The following MEMO1 variants were observed in gnomAD, a reference collection of about 807,000 sequenced individuals.
MEMO1 encodes mediator of cell motility 1, also known as protein MEMO1.
MEMO1 carries 6 observed loss-of-function variants against 45.2 expected under a neutral mutation model. The ratio of observed to expected loss-of-function variants is 0.13; its 90% CI spans 0.07 to 0.26. MEMO1 has a LOEUF of 0.26. Ranked by LOEUF, MEMO1 falls within the 10% of genes least tolerant of loss-of-function variation. MEMO1 has a pLI of 1.00. For synonymous variants in MEMO1, 78 were observed against 124.3 expected, an observed-to-expected ratio of 0.63 and a Z score of 2.48; for missense variants, 184 against 370.5, an observed-to-expected ratio of 0.50 and a Z score of 4.13.
At chr2:31,916,593 T>C (rs1021122437) in intron 6 of MEMO1, among the ~76,000 whole-genome samples, 2 of 152,212 alleles carry the variant, frequency 1.3e-5, no homozygotes, top group African/African-American at 4.8e-5. Context: ...TCTCAGTGAA[T>C]AACAATATTC....
At chr2:31,952,530 A>C (rs1174142358) in intron 2 of MEMO1, among the ~76,000 whole-genome samples, 1 of 152,206 alleles carries the variant, frequency 6.6e-6, no homozygotes, top group African/African-American at 2.4e-5. Flanking sequence ...ACCTCATCTG[A>C]AAATGGGTTT....
intron 2 of MEMO1, among the ~76,000 whole-genome samples, chr2:31,966,610 G>C (rs182787312): frequency 2.0e-5 from 3 of 151,594 alleles, no homozygotes; most frequent in African/African-American, 4.8e-5. Context: ...ACGACCTGTA[G>C]TCCCAGCTAC....
intron 4 of MEMO1, chr2:31,923,608 AGCCTGACTAGG>A (rs1433137355): frequency 6.6e-7 from 1 of 1,526,080 alleles, no homozygotes; most frequent in African/African-American, 1.4e-5. Context: ...ATGTTTAGGT[AGCCTGACTAGG>A]GCCAGGTAGT....
chr2:31,919,060 T>C lies in MEMO1; in HGVS notation c.326-1023A>G, dbSNP rs143383223. 4.2e-3 allele frequency among the ~76,000 whole-genome samples: 635 copies of C among 152,062 alleles called. 9 individuals carry two copies. Among genetic ancestry groups the C allele is most frequent in the African/African-American group, 0.015 (624 of 41,546 alleles). On this transcript the variant is annotated intron_variant, in intron 5 of 9. Transcript: ENST00000404530. ...ACCTAAAGCCTCAAATTATGAAAACTTATGCCAAAAATAAGAAAGAAGAAT... is the reference window on the plus strand; with the variant it reads ...ACCTAAAGCCTCAAATTATGAAAACCTATGCCAAAAATAAGAAAGAAGAAT...
At chr2:31,909,975 T>C (rs1265340558) in intron 6 of MEMO1, among the ~76,000 whole-genome samples, 1 of 151,778 alleles carries the variant, frequency 6.6e-6, no homozygotes, top group African/African-American at 2.4e-5. Flanking sequence ...ACAAAAGATC[T>C]TGAAAGAAAC....
chr2:32,010,171 C>G lies in MEMO1; in HGVS notation c.61+16G>C. 7.5e-7 allele frequency: 1 copy of G among 1,324,826 alleles called. No individual in the cohort carries two copies. The allele number at this position is 1,324,826 out of a possible 1,614,324, so 82.1% of individuals were successfully genotyped here. A position where few individuals can be genotyped will look rare whatever the true frequency, so the allele number is the denominator to read the frequency against. ...GCGGCGACGGCGGCGGGCGGGCCGG[C>G]GGCCTGGGGCCCTACCTGAGGCTGT... On this transcript the variant is annotated intron_variant, in intron 2 of 9. Transcript: ENST00000404530.
chr2:31,963,284 A>T (rs1046615411), intron 2 of MEMO1: 5 of 1,519,780 alleles, frequency 3.3e-6, no homozygotes. Context: ...GAAGATAAAC[A>T]GATCTACAGA....
At position 31,892,210 on chromosome 2, in the gene MEMO1, A is replaced by T. The variant is rs1572587781; in HGVS notation, c.438-76T>A. ...AGTTTTCCAAATGTGTTGGCATTAG[A>T]AAGTGGAATATGTATTAATAGTGGT... On this transcript the variant is annotated intron_variant, in intron 6 of 9. Coordinates refer to ENST00000404530, the MANE Select transcript of MEMO1 (RefSeq NM_001301833.4). 6 of 1,289,540 alleles carry T rather than the reference A, an allele frequency of 4.7e-6. No homozygotes were observed. The East Asian group carries it at 1.4e-4, about 30-fold the overall frequency. 79.9% of individuals were successfully genotyped at this position (1,289,540 alleles called of 1,614,324 possible).
rs1205659312 is a variant in MEMO1, at chr2:32,005,944, G to C, written c.61+4243C>G. Among the ~76,000 whole-genome samples, 3 of 152,180 alleles carry C rather than the reference G, an allele frequency of 2.0e-5. No homozygotes were observed. The East Asian group carries it at 5.8e-4, about 29-fold the overall frequency. ...AGGTTTCTTGGAGGTGTTAACACTT[G>C]AGTCTTCAAAAGAGGAGTAGGAATT... is the stretch of plus-strand genomic sequence containing the variant. On this transcript the variant is annotated intron_variant, in intron 2 of 9. Transcript: ENST00000404530.
chr2:31,922,474 C>A (rs1379139184), intron 4 of MEMO1, among the ~76,000 whole-genome samples: 22 of 152,066 alleles, frequency 1.4e-4, no homozygotes, highest in Admixed American at 1.4e-3. Flanking sequence ...AACAGATTAT[C>A]CTTTTCTTTA....
At chr2:31,916,344 C>G (rs1681444680) in intron 6 of MEMO1, among the ~76,000 whole-genome samples, 1 of 151,912 alleles carries the variant, frequency 6.6e-6, no homozygotes, top group Admixed American at 6.6e-5. Context: ...TCATCCCACC[C>G]CAGCCTCCCA....
chr2:32,010,005 G>A (rs1674639737), intron 2 of MEMO1, among the ~76,000 whole-genome samples, 182 bp downstream of exon 2: 1 of 149,700 alleles, frequency 6.7e-6, no homozygotes, highest in Non-Finnish European at 1.5e-5. Flanking sequence ...CCGCCGCCCG[G>A]GTGGGGGAGG....
At chr2:31,955,146 A>T (rs1330836310) in intron 2 of MEMO1, among the ~76,000 whole-genome samples, 1 of 152,002 alleles carries the variant, frequency 6.6e-6, no homozygotes, top group Non-Finnish European at 1.5e-5. Flanking sequence ...CTGAGGCAGG[A>T]AGATCGCTTG....
At chr2:31,876,755 T>G (rs1662053843) in intron 8 of MEMO1, among the ~76,000 whole-genome samples, 2 of 152,008 alleles carry the variant, frequency 1.3e-5, no homozygotes, top group East Asian at 3.9e-4. Context: ...ACCAGCAGCA[T>G]AGCCAAAAAT....
At chr2:31,966,829 C>G (rs371968201) in intron 2 of MEMO1, among the ~76,000 whole-genome samples, 1 of 151,888 alleles carries the variant, frequency 6.6e-6, no homozygotes, top group African/African-American at 2.4e-5. Flanking sequence ...AACACTGCCA[C>G]ATTTGTAAAT....
intron 2 of MEMO1, chr2:31,963,115 A>G (rs1294277529): frequency 6.8e-7 from 1 of 1,474,364 alleles, no homozygotes; most frequent in African/African-American, 1.4e-5. Context: ...CTCAGTCTCT[A>G]ACTACACCAT....
At chr2:32,001,261 G>A (rs1022975606) in intron 2 of MEMO1, among the ~76,000 whole-genome samples, 21 of 151,304 alleles carry the variant, frequency 1.4e-4, no homozygotes, top group African/African-American at 4.9e-4. Flanking sequence ...GGATGGTCTC[G>A]ATCTCCTGAC....
chr2:31,875,054 AAATAG>A (rs750418894), intron 8 of MEMO1, among the ~76,000 whole-genome samples: 6 of 152,022 alleles, frequency 3.9e-5, no homozygotes, highest in African/African-American at 9.7e-5. Context: ...TATACTAATA[AAATAG>A]AACACTTATG....
intron 6 of MEMO1, among the ~76,000 whole-genome samples, chr2:31,896,997 G>GA (rs1183181625): frequency 6.6e-6 from 1 of 152,126 alleles, no homozygotes; most frequent in Admixed American, 6.5e-5. Context: ...ATTGTGAATG[G>GA]GAGTTCACTC....
Sources: allele counts gnomAD v4.1 joint callset (sites outside exome capture counted in the v4.1 genomes callset), GRCh38; gene constraint gnomAD v4.1.1; transcripts MANE v1.5; gene names NCBI Gene and HGNC (gene_info 2026-07-23, HGNC 2026-07-21).